The following FAM168A variants were observed in gnomAD, a reference collection of about 807,000 sequenced individuals.
FAM168A encodes protein FAM168A.
A neutral mutation model predicts 28.5 loss-of-function variants in FAM168A; 3 were observed. That is an observed-to-expected ratio of 0.11 (90% CI 0.05 to 0.27). FAM168A has a LOEUF of 0.27. FAM168A is among the 10% of genes least tolerant of loss of function. The pLI is 1.00. For missense variants in FAM168A, 222 were observed against 311.5 expected (o/e 0.71, Z 2.16); for synonymous variants, 122 against 124.2 (o/e 0.98, Z 0.12).
intron 1 of FAM168A, among the ~76,000 whole-genome samples, chr11:73,509,571 TA>T (rs1855179102): frequency 1.3e-5 from 2 of 152,098 alleles, no homozygotes; most frequent in Non-Finnish European, 2.9e-5. Flanking sequence ...CCCCAATTTG[TA>T]AAGGGCAAAA....
intron 1 of FAM168A, among the ~76,000 whole-genome samples, chr11:73,567,080 AC>A (rs1240753445): frequency 6.6e-6 from 1 of 152,126 alleles, no homozygotes; most frequent in Non-Finnish European, 1.5e-5. Context: ...ACAGGAGGTG[AC>A]CCTGGCAGCA....
intron 1 of FAM168A, among the ~76,000 whole-genome samples, chr11:73,587,070 A>G (rs563119694): frequency 1.3e-5 from 2 of 152,004 alleles, no homozygotes; most frequent in Non-Finnish European, 1.5e-5. Flanking sequence ...TAATATCAAC[A>G]AATAAAAATA....
intron 1 of FAM168A, among the ~76,000 whole-genome samples, chr11:73,489,815 C>CGAG (rs1868105234): frequency 6.6e-6 from 1 of 152,146 alleles, no homozygotes; most frequent in Non-Finnish European, 1.5e-5. Context: ...CGGCATCTCC[C>CGAG]CTCTTTTCAA....
At chr11:73,585,637 G>A (rs1944304075) in intron 1 of FAM168A, among the ~76,000 whole-genome samples, 1 of 152,132 alleles carries the variant, frequency 6.6e-6, no homozygotes, top group Non-Finnish European at 1.5e-5. Flanking sequence ...GGAGGCCAAG[G>A]CAGGAGGATC....
chr11:73,564,744 A>G (rs1391717779), intron 1 of FAM168A, among the ~76,000 whole-genome samples: 3 of 146,514 alleles, frequency 2.0e-5, no homozygotes, highest in Non-Finnish European at 1.5e-5. Context: ...CTCCGTCACA[A>G]AAAAAAAAAA....
At chr11:73,562,809 G>A (rs998797658) in intron 1 of FAM168A, among the ~76,000 whole-genome samples, 1 of 151,912 alleles carries the variant, frequency 6.6e-6, no homozygotes, top group African/African-American at 2.4e-5. Flanking sequence ...CTAGGCAACA[G>A]AGTAAGACTC....
chr11:73,527,522 A>T (rs918862907), intron 1 of FAM168A, among the ~76,000 whole-genome samples: 2 of 152,106 alleles, frequency 1.3e-5, no homozygotes, highest in South Asian at 4.1e-4. Flanking sequence ...CTCAAACCAA[A>T]CCTATTGTTG....
intron 1 of FAM168A, among the ~76,000 whole-genome samples, chr11:73,523,016 C>A (rs1387846778): frequency 6.6e-6 from 1 of 151,710 alleles, no homozygotes; most frequent in Non-Finnish European, 1.5e-5. Context: ...CTGTCTCAAA[C>A]AAAAAACAAA....
At chr11:73,548,863 C>T (rs771770665) in intron 1 of FAM168A, among the ~76,000 whole-genome samples, 6 of 152,018 alleles carry the variant, frequency 3.9e-5, no homozygotes, top group African/African-American at 1.2e-4. Flanking sequence ...CTTGAACTCC[C>T]GGCCTCAAGT....
intron 5 of FAM168A, among the ~76,000 whole-genome samples, chr11:73,410,063 A>C (rs940641031): frequency 6.6e-6 from 1 of 152,090 alleles, no homozygotes; most frequent in African/African-American, 2.4e-5. Flanking sequence ...AATTAGTAGT[A>C]GTATCATAAT....
chr11:73,409,708 G>A (rs1014581706), intron 5 of FAM168A, 47 bp from the exon 6 acceptor site: 12 of 1,550,380 alleles, frequency 7.7e-6, no homozygotes, highest in East Asian at 2.3e-5. Context: ...AGAGGTAGGT[G>A]GGATATGGAG....
At position 73,445,813 on chromosome 11, in the gene FAM168A, C is replaced by A. The variant is rs185688890; in HGVS notation, c.71-15043G>T. ...CTATATGACCTGGGCAAGACACTTA[C>A]AGCCCTTATCAAATATTCTATCTCT... On this transcript the variant is annotated intron_variant, in intron 2 of 7. Transcript: ENST00000356467. Among the ~76,000 whole-genome samples the A allele has an allele frequency of 2.6e-5, 4 of 152,326 alleles. No homozygotes were observed. In the East Asian group the frequency reaches 7.7e-4, roughly 29 times the overall value.
At chr11:73,550,703 G>A (rs547751289) in intron 1 of FAM168A, among the ~76,000 whole-genome samples, 1 of 151,888 alleles carries the variant, frequency 6.6e-6, no homozygotes, top group South Asian at 2.1e-4. Flanking sequence ...TTTAAAAGGA[G>A]GGTGAGAGGG....
Position 73,590,448 on chromosome 11 carries a change from T to C in FAM168A, c.-19+7475A>G, listed in dbSNP as rs182875606. ...TTGAGAAACTGTTGCTACATAGCAA[T>C]AAGCAAGAACACACTACACCTACAT... is the stretch of plus-strand genomic sequence containing the variant. On this transcript the variant is annotated intron_variant, in intron 1 of 7. Coordinates refer to ENST00000356467, the MANE Select transcript of FAM168A (RefSeq NM_015159.3). Among the ~76,000 whole-genome samples the C allele has an allele frequency of 1.2e-3, 177 of 152,268 alleles. 1 individual carries two copies. Among genetic ancestry groups the C allele is most frequent in the African/African-American group, 4.1e-3 (169 of 41,560 alleles).
At chr11:73,503,720 G>A (rs923034251) in intron 1 of FAM168A, among the ~76,000 whole-genome samples, 4 of 152,216 alleles carry the variant, frequency 2.6e-5, no homozygotes, top group African/African-American at 9.6e-5. Context: ...GAACAAAGCT[G>A]GAGGCATCAT....
chr11:73,411,364 G>A (rs1300110275), intron 5 of FAM168A, 30 bp downstream of exon 5: 1 of 1,556,838 alleles, frequency 6.4e-7, no homozygotes, highest in Non-Finnish European at 8.7e-7. Flanking sequence ...TCCTCTACCT[G>A]CAGAAGAGGT....
intron 1 of FAM168A, among the ~76,000 whole-genome samples, chr11:73,524,955 T>C (rs1943431304): frequency 6.6e-6 from 1 of 152,170 alleles, no homozygotes; most frequent in Admixed American, 6.5e-5. Flanking sequence ...TGACTATTCC[T>C]TTTTCAAATA....
At chr11:73,529,987 A>G (rs1461789606) in intron 1 of FAM168A, among the ~76,000 whole-genome samples, 1 of 151,932 alleles carries the variant, frequency 6.6e-6, no homozygotes, top group African/African-American at 2.4e-5. Flanking sequence ...GGGTTTCACC[A>G]TGTTTGTCAG....
At chr11:73,485,445 C>G (rs915809735) in intron 1 of FAM168A, among the ~76,000 whole-genome samples, 25 of 152,144 alleles carry the variant, frequency 1.6e-4, no homozygotes, top group Non-Finnish European at 2.6e-4. Flanking sequence ...TATTCAAACA[C>G]TTAATAGGAA....
Sources: gnomAD v4.1 joint callset for allele counts (sites outside exome capture counted in the v4.1 genomes callset) on GRCh38, gnomAD v4.1.1 for gene constraint, MANE v1.5 for transcripts, NCBI Gene and HGNC (gene_info 2026-07-23, HGNC 2026-07-21) for gene names.